Variants in LAMA2 observed in about 807,000 individuals in gnomAD.
The protein encoded by LAMA2 is laminin subunit alpha-2.
In LAMA2, 269 loss-of-function variants were observed where a neutral mutation model predicts 364.8. That is an observed-to-expected ratio of 0.74 (90% CI 0.67 to 0.82). The LOEUF (loss-of-function observed/expected upper bound fraction) is 0.82. Ranked by LOEUF, LAMA2 falls within the 40% of genes least tolerant of loss-of-function variation. The pLI is 0.00. For missense variants in LAMA2, 3,807 were observed against 3,873.2 expected, an observed-to-expected ratio of 0.98 and a Z score of 0.45; for synonymous variants, 1,379 against 1,370.6, an observed-to-expected ratio of 1.01 and a Z score of -0.14.
At position 129,160,114 on chromosome 6, in the gene LAMA2, C is replaced by G. The variant is rs367870255; in HGVS notation, c.1206+5431C>G. ...TTTTATTGGGGTATACTGGCATCAA[C>G]AAATGATCGGGGAAATGCACTTCCT... On this transcript the variant is annotated intron_variant, in intron 8 of 64. Coordinates refer to ENST00000421865, the MANE Select transcript of LAMA2 (RefSeq NM_000426.4). Among the ~76,000 whole-genome samples, 109 of 152,198 alleles carry G rather than the reference C, an allele frequency of 7.2e-4. 3 individuals carry two copies. In the South Asian group the frequency reaches 0.022, roughly 31 times the overall value.
intron 1 of LAMA2, among the ~76,000 whole-genome samples, chr6:129,029,893 G>C (rs1786102864): frequency 6.6e-6 from 1 of 152,002 alleles, no homozygotes; most frequent in South Asian, 2.1e-4. Context: ...ACCAATTGTA[G>C]AGACTTCCCC....
At chr6:129,185,186 C>T (rs1781156576) in intron 10 of LAMA2, among the ~76,000 whole-genome samples, 1 of 151,846 alleles carries the variant, frequency 6.6e-6, no homozygotes, top group African/African-American at 2.4e-5. Context: ...TCCCAGCTGA[C>T]TAACAATCAC....
intron 41 of LAMA2, among the ~76,000 whole-genome samples, chr6:129,432,746 G>A (rs546549056): frequency 2.0e-4 from 30 of 152,210 alleles, no homozygotes; most frequent in Non-Finnish European, 4.3e-4. Context: ...CCATGTCCTA[G>A]AGGAGCCAAA....
At chr6:129,048,528 C>T (rs1334251880) in intron 1 of LAMA2, among the ~76,000 whole-genome samples, 572 of 45,752 alleles carry the variant, frequency 0.013, 1 homozygote, top group Non-Finnish European at 0.016. Context: ...TTCCTTCCTT[C>T]CTTCCTTCCT....
chr6:129,312,756 A>G (rs1311041281), intron 22 of LAMA2, 105 bp from the exon 23 acceptor site: 1 of 803,194 alleles, frequency 1.2e-6, no homozygotes. Context: ...TAACAGATAC[A>G]TGATTAATAT....
At chr6:129,315,393 A>G in intron 24 of LAMA2, 83 bp from the exon 25 acceptor site, 6 of 1,182,582 alleles carry the variant, frequency 5.1e-6, no homozygotes, top group Non-Finnish European at 7.6e-6. Flanking sequence ...GGAACTGCAG[A>G]TAGACATGCA....
chr6:129,170,659 T>C (rs931453146), intron 9 of LAMA2, among the ~76,000 whole-genome samples: 3 of 151,838 alleles, frequency 2.0e-5, no homozygotes, highest in Non-Finnish European at 2.9e-5. Context: ...GGTGGAGAGT[T>C]CTGTAGATGT....
chr6:129,123,305 C>CAGAA (rs1562257433), intron 4 of LAMA2, among the ~76,000 whole-genome samples: 2 of 97,038 alleles, frequency 2.1e-5, no homozygotes. Flanking sequence ...GACTCTGTCT[C>CAGAA]AAAAAAAAAA....
At chr6:129,423,406 G>A (rs762910414) in intron 40 of LAMA2, among the ~76,000 whole-genome samples, 3 of 151,954 alleles carry the variant, frequency 2.0e-5, no homozygotes, top group Admixed American at 6.6e-5. Flanking sequence ...AGAAGTCTAA[G>A]CATAAAATCC....
chr6:128,982,165 G>A (rs886965667), intron 1 of LAMA2, among the ~76,000 whole-genome samples: 9 of 152,130 alleles, frequency 5.9e-5, no homozygotes, highest in African/African-American at 1.9e-4. Flanking sequence ...AGAAATAACT[G>A]TTGACATTTT....
chr6:128,901,139 AG>A, intron 1 of LAMA2, among the ~76,000 whole-genome samples: 1 of 152,374 alleles, frequency 6.6e-6, no homozygotes, highest in South Asian at 2.1e-4. Context: ...CCTGGGCAAC[AG>A]AGCAAGACCT....
intron 58 of LAMA2, among the ~76,000 whole-genome samples, chr6:129,499,710 G>C (rs1451960787): frequency 6.6e-6 from 1 of 151,998 alleles, no homozygotes; most frequent in African/African-American, 2.4e-5. Flanking sequence ...GTGCTGCCCT[G>C]AACACATCAT....
At chr6:129,207,735 C>T (rs79335859) in intron 12 of LAMA2, among the ~76,000 whole-genome samples, 2,215 of 152,076 alleles carry the variant, frequency 0.015, 26 homozygotes, top group Middle Eastern at 0.027. Context: ...TCTTCCAGTT[C>T]CTAATAAGTA....
At chr6:128,894,441 A>AT (rs1451353573) in intron 1 of LAMA2, among the ~76,000 whole-genome samples, 7 of 152,168 alleles carry the variant, frequency 4.6e-5, no homozygotes, top group Non-Finnish European at 8.8e-5. Context: ...TTATTGACAA[A>AT]TTTTGTTATT....
At chr6:129,363,761 T>A (rs1250780350) in intron 32 of LAMA2, among the ~76,000 whole-genome samples, 1 of 152,168 alleles carries the variant, frequency 6.6e-6, no homozygotes, top group Non-Finnish European at 1.5e-5. Flanking sequence ...CCGAAAGTCC[T>A]ACTGGTGGTT....
At chr6:129,481,087 A>T (rs1298039550) in intron 54 of LAMA2, among the ~76,000 whole-genome samples, 176 bp from the exon 55 acceptor site, 2 of 152,232 alleles carry the variant, frequency 1.3e-5, no homozygotes, top group Non-Finnish European at 2.9e-5. Flanking sequence ...AAGTTATCAT[A>T]TAACTAGAAA....
At chr6:129,207,413 G>A (rs1782751260) in intron 12 of LAMA2, among the ~76,000 whole-genome samples, 1 of 151,996 alleles carries the variant, frequency 6.6e-6, no homozygotes, top group African/African-American at 2.4e-5. Context: ...TTATAGTAAA[G>A]ATGCTTGTAA....
chr6:129,314,937 A>G, intron 24 of LAMA2, 139 bp downstream of exon 24: 1 of 832,058 alleles, frequency 1.2e-6, no homozygotes, highest in Non-Finnish European at 2.0e-6. Context: ...GGAACAGCAA[A>G]GGGGTCACGT....
chr6:129,391,792 CATCTATCTATCT>C (rs10648375), intron 36 of LAMA2, 139 bp downstream of exon 36: 1 of 681,616 alleles, frequency 1.5e-6, no homozygotes, highest in South Asian at 1.7e-5. Context: ...TGTTATCTAT[CATCTATCTATCT>C]ATCTATCTAT....
Sources: gnomAD v4.1 joint callset for allele counts (sites outside exome capture counted in the v4.1 genomes callset) on GRCh38, gnomAD v4.1.1 for gene constraint, MANE v1.5 for transcripts, NCBI Gene and HGNC (gene_info 2026-07-23, HGNC 2026-07-21) for gene names.